The following PSD3 variants were observed in gnomAD, a reference collection of about 807,000 sequenced individuals.
The protein encoded by PSD3 is PH and SEC7 domain-containing protein 3.
In PSD3, 49 loss-of-function variants were observed where a neutral mutation model predicts 105.5. The ratio of observed to expected loss-of-function variants is 0.46; its 90% CI spans 0.37 to 0.59. PSD3 has a LOEUF of 0.59. PSD3 is among the 20% of genes least tolerant of loss of function. The pLI is 0.00. For missense variants in PSD3, 1,561 were observed against 1,263.8 expected, an observed-to-expected ratio of 1.24 and a Z score of -3.57; for synonymous variants, 557 against 457.8, an observed-to-expected ratio of 1.22 and a Z score of -2.77.
At chr8:18,548,030 T>C (rs1800550979) in intron 15 of PSD3, among the ~76,000 whole-genome samples, 1 of 152,220 alleles carries the variant, frequency 6.6e-6, no homozygotes, top group Non-Finnish European at 1.5e-5. Flanking sequence ...TGATTAGGTA[T>C]TTTTAACTGA....
chr8:18,746,909 A>G (rs1805074514), intron 9 of PSD3, among the ~76,000 whole-genome samples: 1 of 152,262 alleles, frequency 6.6e-6, no homozygotes, highest in South Asian at 2.1e-4. Context: ...ATAGAAGGGC[A>G]CATTCAGTGA....
chr8:18,652,419 G>A (rs957217541), intron 10 of PSD3, among the ~76,000 whole-genome samples: 2 of 151,834 alleles, frequency 1.3e-5, no homozygotes, highest in Non-Finnish European at 2.9e-5. Flanking sequence ...AGAGAGGTAT[G>A]GGAGAAACGG....
chr8:18,629,389 C>G (rs1478165837), intron 11 of PSD3, among the ~76,000 whole-genome samples: 1 of 151,854 alleles, frequency 6.6e-6, no homozygotes, highest in Admixed American at 6.6e-5. Context: ...TATGTACGTG[C>G]AAAAACTTAT....
intron 9 of PSD3, among the ~76,000 whole-genome samples, chr8:18,662,357 T>C (rs558764018): frequency 2.8e-4 from 43 of 152,252 alleles, no homozygotes; most frequent in Non-Finnish European, 5.0e-4. Context: ...AATGTGCTGC[T>C]AACCCTGACT....
At chr8:18,841,038 C>G (rs1814578224) in intron 4 of PSD3, among the ~76,000 whole-genome samples, 2 of 152,092 alleles carry the variant, frequency 1.3e-5, no homozygotes, top group African/African-American at 4.8e-5. Flanking sequence ...TTTAAAAGTA[C>G]TAAAACAAGA....
At chr8:18,826,943 T>C (rs933648004) in intron 4 of PSD3, among the ~76,000 whole-genome samples, 1 of 152,156 alleles carries the variant, frequency 6.6e-6, no homozygotes, top group African/African-American at 2.4e-5. Context: ...CAAAGTGATA[T>C]GAATGGTATG....
intron 15 of PSD3, among the ~76,000 whole-genome samples, chr8:18,551,513 G>C (rs1180868655): frequency 6.6e-6 from 1 of 152,148 alleles, no homozygotes; most frequent in African/African-American, 2.4e-5. Context: ...CTTCAAGAAT[G>C]TCCTAGATTT....
intron 4 of PSD3, among the ~76,000 whole-genome samples, chr8:18,839,612 T>C (rs893917500): frequency 6.6e-6 from 1 of 152,138 alleles, no homozygotes; most frequent in African/African-American, 2.4e-5. Context: ...GAACCAGGTT[T>C]ACTCACCCAG....
chr8:18,830,642 T>A (rs998872670), intron 4 of PSD3, among the ~76,000 whole-genome samples: 6 of 152,170 alleles, frequency 3.9e-5, no homozygotes, highest in African/African-American at 1.4e-4. Flanking sequence ...CAAACTTTTT[T>A]AAAAAATGAG....
intron 1 of PSD3, among the ~76,000 whole-genome samples, chr8:19,010,209 G>A (rs1479642175): frequency 6.6e-6 from 1 of 152,162 alleles, no homozygotes; most frequent in Non-Finnish European, 1.5e-5. Flanking sequence ...TGACATGCAG[G>A]AAGGGGAGAA....
intron 9 of PSD3, among the ~76,000 whole-genome samples, chr8:18,741,221 A>G (rs902991561): frequency 2.0e-5 from 3 of 152,204 alleles, no homozygotes; most frequent in Non-Finnish European, 2.9e-5. Flanking sequence ...CATGTGACAC[A>G]TGTAATCTCA....
chr8:18,575,922 A>G (rs547213186), intron 12 of PSD3, among the ~76,000 whole-genome samples: 1 of 152,330 alleles, frequency 6.6e-6, no homozygotes, highest in East Asian at 1.9e-4. Context: ...TATGCTACCA[A>G]CTGTTAGATA....
upstream of PSD3, among the ~76,000 whole-genome samples, chr8:19,015,432 C>T (rs1240266315): frequency 1.3e-5 from 2 of 152,168 alleles, no homozygotes; most frequent in Non-Finnish European, 1.5e-5. Context: ...TTTACCCTTG[C>T]GTACATACCC....
intron 2 of PSD3, among the ~76,000 whole-genome samples, chr8:18,892,621 A>G (rs965168138): frequency 2.1e-5 from 3 of 139,678 alleles, no homozygotes; most frequent in African/African-American, 8.0e-5. Context: ...TATTATCCTA[A>G]TTTTCTTTTT....
chr8:18,901,284 C>G (rs1220164213), intron 2 of PSD3, among the ~76,000 whole-genome samples: 2 of 152,046 alleles, frequency 1.3e-5, no homozygotes, highest in Non-Finnish European at 2.9e-5. Context: ...ATAAGTGGAC[C>G]TGTGCAGGTC....
intron 2 of PSD3, among the ~76,000 whole-genome samples, chr8:18,916,185 G>C (rs970785950): frequency 1.3e-5 from 2 of 151,342 alleles, no homozygotes; most frequent in African/African-American, 4.9e-5. Flanking sequence ...AATGAAGTTA[G>C]CATGTCAAAG....
intron 2 of PSD3, among the ~76,000 whole-genome samples, chr8:18,919,291 A>C (rs1173392473): frequency 6.6e-6 from 1 of 152,070 alleles, no homozygotes; most frequent in Non-Finnish European, 1.5e-5. Flanking sequence ...GCTTTATCTC[A>C]GAAATCTCTT....
chr8:18,913,867 C>T (rs548745626), intron 2 of PSD3, among the ~76,000 whole-genome samples: 5 of 152,190 alleles, frequency 3.3e-5, no homozygotes, highest in Non-Finnish European at 5.9e-5. Context: ...CGAACTCAGG[C>T]TCCTACCCCA....
Position 18,627,205 on chromosome 8 carries a change from G to A in PSD3, c.2410+5408C>T, listed in dbSNP as rs12115111. ...AGTCTCGGTTCCAACAGTGGAAGAG[G>A]GTACCTAAACAGAGCCTGTGAGTCA... On this transcript the variant is annotated intron_variant, in intron 11 of 15. Coordinates refer to ENST00000327040, the MANE Select transcript of PSD3 (RefSeq NM_015310.4). Among the ~76,000 whole-genome samples, 812 of 152,072 alleles carry A rather than the reference G, an allele frequency of 5.3e-3. 6 individuals carry two copies. The highest frequency in any genetic ancestry group is 0.018 in the African/African-American group (761 of 41,494).
Sources: allele counts gnomAD v4.1 joint callset (sites outside exome capture counted in the v4.1 genomes callset), GRCh38; gene constraint gnomAD v4.1.1; transcripts MANE v1.5; gene names NCBI Gene and HGNC (gene_info 2026-07-23, HGNC 2026-07-21).